USP7: variants seen among roughly 807,000 people sequenced by gnomAD.
The protein encoded by USP7 is ubiquitin specific peptidase 7, also known as ubiquitin C-terminal hydrolase 7.
In USP7, 9 loss-of-function variants were observed where a neutral mutation model predicts 162.9. The ratio of observed to expected loss-of-function variants is 0.06; its 90% confidence interval spans 0.03 to 0.10. The LOEUF (loss-of-function observed/expected upper bound fraction) is 0.10. Ranked by LOEUF, USP7 falls within the 10% of genes least tolerant of loss-of-function variation. The pLI is 1.00. For synonymous variants in USP7, 562 were observed against 475.9 expected (o/e 1.18, Z -2.35); for missense variants, 715 against 1,373.7 (o/e 0.52, Z 7.58).
At chr16:8,930,461 T>C (rs544884713) in intron 1 of USP7, 64 bp from the exon 2 acceptor site, 3 of 1,174,932 alleles carry the variant, frequency 2.6e-6, no homozygotes, top group South Asian at 3.1e-5. Context: ...ATAAGCAAAA[T>C]ATAAACTTAT....
In USP7 at chr16:8,908,346, A is replaced by G. The variant is rs2061892766; in HGVS notation, c.1266T>C (p.Asn422=). ...DPQTDQNIKI[N]DRFEFPEQLP... ...TATATCCCACTATAGATTACCTATCATTGATCTTGATATTTTGGTCCGTCT... is the reference window on the plus strand; with the variant it reads ...TATATCCCACTATAGATTACCTATCGTTGATCTTGATATTTTGGTCCGTCT... Residue 422 remains asparagine (N), a synonymous_variant, in exon 12 of 31, where the codon AAT becomes AAC. Transcript: ENST00000344836. 3 of 1,611,950 alleles carry G rather than the reference A, an allele frequency of 1.9e-6. No homozygotes were observed. Among genetic ancestry groups the G allele is most frequent in the Non-Finnish European group, 2.5e-6 (3 of 1,178,134 alleles).
intron 22 of USP7, 43 bp downstream of exon 22, chr16:8,899,561 T>C (rs750455005): frequency 1.2e-6 from 2 of 1,600,872 alleles, no homozygotes; most frequent in South Asian, 2.2e-5. Flanking sequence ...AATTTGTCTT[T>C]CTGGAGTGGG....
At chr16:8,954,242 C>T (rs910179751) in intron 1 of USP7, among the ~76,000 whole-genome samples, 3 of 151,704 alleles carry the variant, frequency 2.0e-5, no homozygotes, top group African/African-American at 4.8e-5. Flanking sequence ...AGGGAAGACA[C>T]GTGCCCCCTG....
At chr16:8,895,791 C>A in intron 26 of USP7, 50 bp from the exon 27 acceptor site, 11 of 1,201,378 alleles carry the variant, frequency 9.2e-6, no homozygotes, top group African/African-American at 3.2e-5. Flanking sequence ...TATATATTCA[C>A]ATAAAAATAA....
At chr16:8,942,017 T>A (rs1351936174) in intron 1 of USP7, among the ~76,000 whole-genome samples, 1 of 152,150 alleles carries the variant, frequency 6.6e-6, no homozygotes, top group Admixed American at 6.5e-5. Context: ...AGTGGCAAAT[T>A]CTGTGGCAAG....
chr16:8,932,058 A>T (rs545586535), intron 1 of USP7, among the ~76,000 whole-genome samples: 1 of 151,936 alleles, frequency 6.6e-6, no homozygotes, highest in African/African-American at 2.4e-5. Context: ...TGCCATGCTC[A>T]CCTCCCCCTC....
chr16:8,944,178 G>T (rs1399090662), intron 1 of USP7, among the ~76,000 whole-genome samples: 1 of 151,976 alleles, frequency 6.6e-6, no homozygotes, highest in Non-Finnish European at 1.5e-5. Context: ...AATGTTTCCG[G>T]GAATATGCAT....
At chr16:8,930,257 C>A (rs745759042) in intron 2 of USP7, 36 bp downstream of exon 2, 1 of 1,536,026 alleles carries the variant, frequency 6.5e-7, no homozygotes, top group South Asian at 1.1e-5. Context: ...TGACAAGTTT[C>A]CGCCCACTGC....
At chr16:8,920,605 C>CAA (rs1187268821) in intron 4 of USP7, among the ~76,000 whole-genome samples, 158 bp from the exon 5 acceptor site, 5 of 152,098 alleles carry the variant, frequency 3.3e-5, no homozygotes, top group African/African-American at 1.2e-4. Context: ...TTTCAATTTT[C>CAA]TTTTAACAGT....
intron 10 of USP7, among the ~76,000 whole-genome samples, chr16:8,913,536 C>T (rs1316011985): frequency 5.9e-5 from 9 of 151,944 alleles, no homozygotes; most frequent in Non-Finnish European, 1.5e-5. Context: ...AAGGAAGGAA[C>T]CTGCCAACCT....
At chr16:8,895,228 T>C in intron 27 of USP7, 78 bp from the exon 28 acceptor site, 3 of 1,604,866 alleles carry the variant, frequency 1.9e-6, no homozygotes, top group Admixed American at 3.3e-5. Flanking sequence ...ATTCTCACAC[T>C]ACTCTAACCC....
At chr16:8,908,148 C>G (rs1333001750) in intron 12 of USP7, among the ~76,000 whole-genome samples, 193 bp downstream of exon 12, 2 of 152,178 alleles carry the variant, frequency 1.3e-5, no homozygotes, top group East Asian at 3.8e-4. Flanking sequence ...ATGGACTCGG[C>G]AGAGGTTGAC....
At chr16:8,907,628 G>A (rs1446698323) in intron 12 of USP7, among the ~76,000 whole-genome samples, 2 of 152,132 alleles carry the variant, frequency 1.3e-5, no homozygotes, top group African/African-American at 4.8e-5. Flanking sequence ...GGCTGAGGCC[G>A]GCAGATCACT....
At chr16:8,932,689 T>C (rs1898434589) in intron 1 of USP7, among the ~76,000 whole-genome samples, 1 of 152,174 alleles carries the variant, frequency 6.6e-6, no homozygotes, top group Non-Finnish European at 1.5e-5. Flanking sequence ...TAGAACTACA[T>C]CAAATCTTTA....
At chr16:8,943,126 CATATA>C (rs979570494) in intron 1 of USP7, among the ~76,000 whole-genome samples, 15 of 152,260 alleles carry the variant, frequency 9.9e-5, no homozygotes, top group African/African-American at 3.6e-4. Flanking sequence ...AAGAAGGCCA[CATATA>C]ATATGTGATC....
Position 8,947,337 on chromosome 16 carries a change from C to G in USP7, c.79+15870G>C, listed in dbSNP as rs114141717. Among the ~76,000 whole-genome samples, 1,201 of 150,688 alleles carry G rather than the reference C, an allele frequency of 8.0e-3. 14 individuals are homozygous for G. Among genetic ancestry groups the G allele is most frequent in the African/African-American group, 0.025 (1,039 of 41,346 alleles). Reference sequence around the variant, plus strand: ...TACCATGTGCTGGTTTATTGTTTTTCCACAGCACTCCCCCCCCCAACACAC... The same window carrying G: ...TACCATGTGCTGGTTTATTGTTTTTGCACAGCACTCCCCCCCCCAACACAC... On this transcript the variant is annotated intron_variant, in intron 1 of 30. Coordinates refer to ENST00000344836, the MANE Select transcript of USP7 (RefSeq NM_003470.3).
intron 21 of USP7, 111 bp from the exon 22 acceptor site, chr16:8,899,868 GATA>G: frequency 7.5e-7 from 1 of 1,324,598 alleles, no homozygotes; most frequent in Non-Finnish European, 1.1e-6. Flanking sequence ...TCTCTTGCAA[GATA>G]AATTCAGGTT....
At chr16:8,902,883 AAAGAAAAAAAG>A (rs1407255042) in intron 16 of USP7, among the ~76,000 whole-genome samples, 3 of 152,208 alleles carry the variant, frequency 2.0e-5, no homozygotes, top group African/African-American at 4.8e-5. Flanking sequence ...TCTCAAAAAA[AAAGAAAAAAAG>A]ACTGTGATTC....
intron 1 of USP7, among the ~76,000 whole-genome samples, chr16:8,944,102 G>A (rs1366796045): frequency 6.6e-6 from 1 of 152,106 alleles, no homozygotes; most frequent in African/African-American, 2.4e-5. Context: ...AATACATCAA[G>A]TATATAATGG....
Sources: gnomAD v4.1 joint callset for allele counts (sites outside exome capture counted in the v4.1 genomes callset) on GRCh38, gnomAD v4.1.1 for gene constraint, MANE v1.5 for transcripts, NCBI Gene and HGNC (gene_info 2026-07-23, HGNC 2026-07-21) for gene names.